The following SIPA1L1 variants were observed in gnomAD, a reference collection of about 807,000 sequenced individuals.
SIPA1L1 encodes the protein signal induced proliferation associated 1 like 1.
SIPA1L1 carries 26 observed loss-of-function variants against 162.7 expected under a neutral mutation model. The observed-to-expected ratio is 0.16, with a 90% CI of 0.12 to 0.22. The LOEUF (loss-of-function observed/expected upper bound fraction) is 0.22. Among genes scored for constraint, SIPA1L1 ranks in the 10% least tolerant of loss-of-function variants. The probability of loss-of-function intolerance (pLI) is 1.00; values close to 1 mark genes in which losing one functional copy is unlikely to be tolerated. For synonymous variants in SIPA1L1, 829 were observed against 837.4 expected, an observed-to-expected ratio of 0.99 and a Z score of 0.17; for missense variants, 1,874 against 2,241.0, an observed-to-expected ratio of 0.84 and a Z score of 3.31.
intron 10 of SIPA1L1, among the ~76,000 whole-genome samples, chr14:71,665,366 C>T (rs893724338): frequency 6.6e-6 from 1 of 152,076 alleles, no homozygotes; most frequent in African/African-American, 2.4e-5. Flanking sequence ...CAGACTAATT[C>T]CAGAGGCCAG....
chr14:71,628,572 G>T (rs2040263376), intron 7 of SIPA1L1, among the ~76,000 whole-genome samples: 1 of 152,186 alleles, frequency 6.6e-6, no homozygotes. Flanking sequence ...GACTCTGCAG[G>T]TTGTTAAATA....
At chr14:71,534,591 C>A (rs1307522379) in intron 4 of SIPA1L1, among the ~76,000 whole-genome samples, 1 of 152,106 alleles carries the variant, frequency 6.6e-6, no homozygotes, top group Non-Finnish European at 1.5e-5. Context: ...AAAAAATTTC[C>A]TTCACAAACC....
intron 12 of SIPA1L1, among the ~76,000 whole-genome samples, chr14:71,678,035 T>A (rs1189028307): frequency 6.6e-6 from 1 of 152,210 alleles, no homozygotes; most frequent in East Asian, 1.9e-4. Context: ...TTAAGGAGAT[T>A]TGGGGCTGAG....
intron 17 of SIPA1L1, among the ~76,000 whole-genome samples, chr14:71,711,539 G>A (rs2082875071): frequency 6.6e-6 from 1 of 152,188 alleles, no homozygotes; most frequent in South Asian, 2.1e-4. Context: ...GGTCCAATGT[G>A]ATGGCAGAAG....
intron 3 of SIPA1L1, among the ~76,000 whole-genome samples, chr14:71,522,666 C>CT (rs1270517704): frequency 2.0e-5 from 3 of 151,610 alleles, no homozygotes; most frequent in African/African-American, 4.8e-5. Flanking sequence ...TCTATTCACT[C>CT]TATCATCTAA....
intron 2 of SIPA1L1, among the ~76,000 whole-genome samples, chr14:71,411,508 G>A (rs2042401531): frequency 6.6e-6 from 1 of 152,138 alleles, no homozygotes. Context: ...TAGTGGAGGT[G>A]TGGTAGTCTC....
intron 2 of SIPA1L1, among the ~76,000 whole-genome samples, chr14:71,509,111 C>T (rs932799093): frequency 1.3e-5 from 2 of 152,126 alleles, no homozygotes; most frequent in Non-Finnish European, 2.9e-5. Context: ...TTACTTGTAA[C>T]GAGTTACAGT....
At chr14:71,349,065 A>C (rs1477989320) in intron 2 of SIPA1L1, among the ~76,000 whole-genome samples, 2 of 152,238 alleles carry the variant, frequency 1.3e-5, no homozygotes. Context: ...AAGAAAGAAA[A>C]TATCACAGAT....
chr14:71,537,177 G>C (rs976245635), intron 4 of SIPA1L1, among the ~76,000 whole-genome samples: 19 of 152,024 alleles, frequency 1.2e-4, no homozygotes, highest in African/African-American at 4.6e-4. Context: ...TTGGGCTGCT[G>C]ATTCTATTAA....
intron 2 of SIPA1L1, among the ~76,000 whole-genome samples, chr14:71,331,612 C>T (rs913349150): frequency 1.3e-5 from 2 of 152,132 alleles, no homozygotes. Flanking sequence ...CAGATGTGTA[C>T]CTTAGTGGGT....
intron 2 of SIPA1L1, among the ~76,000 whole-genome samples, chr14:71,420,884 C>T (rs2043143710): frequency 6.6e-6 from 1 of 152,166 alleles, no homozygotes; most frequent in Non-Finnish European, 1.5e-5. Context: ...CGTGTAAGCC[C>T]TAGTCCATGT....
intron 3 of SIPA1L1, among the ~76,000 whole-genome samples, chr14:71,524,734 C>T (rs767157469): frequency 2.0e-5 from 3 of 152,270 alleles, no homozygotes; most frequent in Middle Eastern, 3.4e-3. Context: ...TAAGCATGAT[C>T]GGCTGCACCT....
At chr14:71,629,993 T>C (rs2148710271) in intron 7 of SIPA1L1, among the ~76,000 whole-genome samples, 1 of 152,364 alleles carries the variant, frequency 6.6e-6, no homozygotes, top group South Asian at 2.1e-4. Flanking sequence ...TGAGTTTGAC[T>C]AGCCATTTTC....
At chr14:71,508,773 A>T (rs1222813912) in intron 2 of SIPA1L1, among the ~76,000 whole-genome samples, 3 of 152,156 alleles carry the variant, frequency 2.0e-5, no homozygotes, top group African/African-American at 7.2e-5. Flanking sequence ...TTTTTTAGGT[A>T]TTCTTGAGTT....
rs148915212 is a variant in SIPA1L1, at chr14:71,566,990, A to G, written c.-302-20581A>G. 4.6e-5 allele frequency among the ~76,000 whole-genome samples: 7 copies of G among 152,360 alleles called. No individual in the cohort carries two copies. In the East Asian group the frequency reaches 1.2e-3, roughly 25 times the overall value. On this transcript the variant is annotated intron_variant, in intron 4 of 23. Coordinates refer to ENST00000381232, the MANE Select transcript of SIPA1L1 (RefSeq NM_001386936.1). ...TCAGTAACAGTGAAGAAAAAGACCT[A>G]TTAGAAAAATGGACAGAACATAAGT... is the stretch of plus-strand genomic sequence containing the variant.
intron 2 of SIPA1L1, among the ~76,000 whole-genome samples, chr14:71,466,714 A>C (rs952720969): frequency 1.3e-5 from 2 of 152,148 alleles, no homozygotes; most frequent in Non-Finnish European, 2.9e-5. Context: ...ACATTTTCTT[A>C]AGTAGTATTT....
At chr14:71,440,224 A>G (rs2044728143) in intron 2 of SIPA1L1, among the ~76,000 whole-genome samples, 2 of 151,784 alleles carry the variant, frequency 1.3e-5, no homozygotes, top group Admixed American at 1.3e-4. Flanking sequence ...ATGGGGTTTC[A>G]CCATGTTGCC....
rs150628486 is a variant in SIPA1L1, at chr14:71,485,755, G to A, written c.-464-26988G>A. ...ACTGCCCCCAGTGTGTGGAAAAATT[G>A]TCTTCCACAAAACTAGTCTGTGGTG... On this transcript the variant is annotated intron_variant, in intron 2 of 23. Coordinates refer to ENST00000381232, the MANE Select transcript of SIPA1L1 (RefSeq NM_001386936.1). Among the ~76,000 whole-genome samples, 345 of 152,224 alleles carry A rather than the reference G, an allele frequency of 2.3e-3. 3 individuals carry two copies. Among genetic ancestry groups the A allele is most frequent in the African/African-American group, 7.9e-3 (328 of 41,516 alleles).
intron 10 of SIPA1L1, among the ~76,000 whole-genome samples, chr14:71,664,245 T>A (rs2043798931): frequency 6.6e-6 from 1 of 152,144 alleles, no homozygotes; most frequent in African/African-American, 2.4e-5. Context: ...CCCCAGCCAC[T>A]CCCCGAACTA....
Sources: allele counts gnomAD v4.1 joint callset (sites outside exome capture counted in the v4.1 genomes callset), GRCh38; gene constraint gnomAD v4.1.1; transcripts MANE v1.5; gene names NCBI Gene and HGNC (gene_info 2026-07-23, HGNC 2026-07-21).